Variants in ZAN observed in about 807,000 individuals in gnomAD.
ZAN encodes the protein zonadhesin.
Under a neutral mutation model 286.2 loss-of-function variants are expected in ZAN, and 260 were observed. That is an observed-to-expected ratio of 0.91 (90% CI 0.82 to 1.01). ZAN has a LOEUF of 1.01. Among genes scored for constraint, ZAN ranks in the 50% least tolerant of loss-of-function variants. ZAN has a pLI of 0.00. For synonymous variants in ZAN, 1,368 were observed against 1,417.5 expected, an observed-to-expected ratio of 0.97 and a Z score of 0.79; for missense variants, 3,410 against 3,639.2, an observed-to-expected ratio of 0.94 and a Z score of 1.62.
Position 100,753,134 on chromosome 7 carries a change from C to T in ZAN, c.3029C>T (p.Thr1010Ile). 6.2e-7 allele frequency: 1 copy of T among 1,613,944 alleles called. No homozygotes were observed. Among genetic ancestry groups the T allele is most frequent in the Non-Finnish European group, 8.5e-7 (1 of 1,179,890 alleles). The change falls in exon 14 of 48, where the codon ACT (threonine) becomes ATT (isoleucine). Residue 1010 changes from threonine (T) to isoleucine (I), a missense_variant. Transcript: ENST00000613979. ...LRPPHPSPTA[T>I]GLAALVMSPH... ...CCACCCCATCCCAGCCCCACAGCCA[C>T]TGGGCTGGCAGCCTTGGTGATGTCT...
intron 28 of ZAN, among the ~76,000 whole-genome samples, 197 bp downstream of exon 28, chr7:100,770,171 G>T (rs1257501859): frequency 6.6e-6 from 1 of 151,920 alleles, no homozygotes; most frequent in African/African-American, 2.4e-5. Context: ...GTCTCAGGCA[G>T]TAGATAAATC....
rs199863487 is a variant in ZAN at position 100,750,654 on chromosome 7, G to A, written c.1279G>A (p.Glu427Lys). 8.2e-5 allele frequency: 133 copies of A among 1,613,244 alleles called. No individual in the cohort carries two copies. The Admixed American group carries it at 2.1e-3, about 26-fold the overall frequency. Residue 427 changes from glutamate (E) to lysine (K), a missense_variant, in exon 12 of 48, where the codon GAG becomes AAG. This residue lies in a region of ZAN where 872 missense variants were observed against 938.9 expected (regional missense o/e 0.93). Coordinates refer to ENST00000613979, the MANE Select transcript of ZAN (RefSeq NM_003386.3). The stretch of plus-strand genomic sequence containing the variant: ...TCACTATATCTACCTTGAGGCTGAC[G>A]AGTTCTCCCAGGCAGGCCAGTCAGT... ...GGHYIYLEAD[E>K]FSQAGQSVRL...
chr7:100,777,918 C>T (rs900545120), intron 34 of ZAN, among the ~76,000 whole-genome samples: 7 of 151,996 alleles, frequency 4.6e-5, no homozygotes, highest in Admixed American at 3.3e-4. Flanking sequence ...GACTTCTGGG[C>T]ATTCTGGGGC....
At chr7:100,778,325 C>T (rs987950174) in intron 34 of ZAN, among the ~76,000 whole-genome samples, 12 of 151,528 alleles carry the variant, frequency 7.9e-5, no homozygotes, top group East Asian at 3.9e-4. Context: ...TAAAAACAGC[C>T]GGGTGCAGTG....
Position 100,775,696 on chromosome 7 carries a change from G to C in ZAN, c.6055G>C (p.Ala2019Pro). Residue 2019 changes from alanine (A) to proline (P), a missense_variant, in exon 33 of 48, where the codon GCC (alanine) becomes CCC (proline). Physicochemically the swap from Ala to Pro is conservative, Grantham distance 27 (BLOSUM62 -1). Coordinates refer to ENST00000613979, the MANE Select transcript of ZAN (RefSeq NM_003386.3). ...LINSKQVTLP[A>P]ISQIPGVSVK... ...CAACAGCAAACAGGTCACCCTCCCC[G>C]CCATCTCCCAGATCCCTGGGGTCAG... 6.2e-7 allele frequency: 1 copy of C among 1,613,878 alleles called. No individual in the cohort carries two copies. Among genetic ancestry groups the C allele is most frequent in the Non-Finnish European group, 8.5e-7 (1 of 1,179,864 alleles).
At chr7:100,747,974 A>G (rs1424316186) in intron 9 of ZAN, among the ~76,000 whole-genome samples, 163 bp from the exon 10 acceptor site, 1 of 149,546 alleles carries the variant, frequency 6.7e-6, no homozygotes, top group Admixed American at 6.7e-5. Context: ...CCTGGGCAAT[A>G]GAGCAAGACT....
chr7:100,790,741 G>A (rs568105641), intron 39 of ZAN, among the ~76,000 whole-genome samples: 1 of 151,536 alleles, frequency 6.6e-6, no homozygotes, highest in African/African-American at 2.4e-5. Flanking sequence ...AAATTAGCCA[G>A]GCATGGTGGT....
At chr7:100,744,877 TTTG>T (rs1554398355) in intron 7 of ZAN, among the ~76,000 whole-genome samples, 6 of 151,076 alleles carry the variant, frequency 4.0e-5, no homozygotes, top group Non-Finnish European at 8.8e-5. Context: ...TGGTTTTTTT[TTTG>T]TTGTTGTTGT....
intron 35 of ZAN, 21 bp downstream of exon 35, chr7:100,779,771 C>G: frequency 6.5e-7 from 1 of 1,536,062 alleles, no homozygotes; most frequent in Non-Finnish European, 8.8e-7. Context: ...CCTGCTGTCA[C>G]CCCAAACCCC....
At chr7:100,745,318 C>T (rs1171695093) in intron 7 of ZAN, among the ~76,000 whole-genome samples, 2 of 151,758 alleles carry the variant, frequency 1.3e-5, no homozygotes, top group African/African-American at 2.4e-5. Flanking sequence ...CGCTCAGGAT[C>T]CCACCTTCGG....
intron 35 of ZAN, among the ~76,000 whole-genome samples, chr7:100,782,495 A>AT (rs1462727861): frequency 1.3e-5 from 2 of 151,604 alleles, no homozygotes; most frequent in Non-Finnish European, 2.9e-5. Context: ...TGCCTGGATA[A>AT]TTTTTTTGTA....
chr7:100,738,701 C>G lies in ZAN; in HGVS notation c.766+88C>G, dbSNP rs1807480293. 9.1e-6 allele frequency: 12 copies of G among 1,315,534 alleles called. 2 individuals carry two copies. Among genetic ancestry groups the G allele is most frequent in the Middle Eastern group, 4.9e-4 (2 of 4,092 alleles). The allele number at this position is 1,315,534 out of a possible 1,614,324, so 81.5% of individuals were successfully genotyped here. ...CCCTGGGACGGTCTGTCATGAACACCTACAGCTTCAAGCCTCTTACCAGCT... is the reference window on the plus strand; with the variant it reads ...CCCTGGGACGGTCTGTCATGAACACGTACAGCTTCAAGCCTCTTACCAGCT... On this transcript the variant is annotated intron_variant, in intron 7 of 47. Coordinates refer to ENST00000613979, the MANE Select transcript of ZAN (RefSeq NM_003386.3).
chr7:100,751,793 C>T lies in ZAN; in HGVS notation c.1688C>T (p.Pro563Leu). 4 of 1,613,204 alleles carry T rather than the reference C, an allele frequency of 2.5e-6. No individual in the cohort carries two copies. Among genetic ancestry groups the T allele is most frequent in the Non-Finnish European group, 3.4e-6 (4 of 1,179,714 alleles). Residue 563 changes from proline (P) to leucine (L), a missense_variant, in exon 14 of 48, where the codon CCT (proline) becomes CTT (leucine). Transcript: ENST00000613979. ...PSETTGLTEN[P>L]TISTKKPTVS... is the part of the protein sequence containing the mutation. Reference sequence around the variant, plus strand: ...GAAACCACTGGCCTCACAGAAAACCCTACAATCTCCACCAAGAAACCTACA... The same window carrying T: ...GAAACCACTGGCCTCACAGAAAACCTTACAATCTCCACCAAGAAACCTACA...
intron 35 of ZAN, 108 bp downstream of exon 35, chr7:100,779,858 C>A: frequency 8.3e-7 from 1 of 1,199,052 alleles, no homozygotes; most frequent in Non-Finnish European, 1.1e-6. Context: ...ACTAACTCAG[C>A]CCTCATTGTT....
intron 42 of ZAN, among the ~76,000 whole-genome samples, chr7:100,792,982 C>CAAAAAAAAAAAAAAAAAAAAAAAAA (rs1232116032): frequency 7.8e-5 from 4 of 50,980 alleles, no homozygotes; most frequent in Admixed American, 3.0e-4. Flanking sequence ...CATCCTATCT[C>CAAAAAAAAAAAAAAAAAAAAAAAAA]AAAAAAAAAA....
intron 45 of ZAN, among the ~76,000 whole-genome samples, chr7:100,796,932 T>A (rs1285884154): frequency 4.0e-5 from 6 of 150,944 alleles, no homozygotes; most frequent in African/African-American, 1.5e-4. Context: ...GAGCCAGGAG[T>A]TCAAGACCAG....
chr7:100,753,348 C>A, intron 14 of ZAN, 119 bp downstream of exon 14: 2 of 1,170,968 alleles, frequency 1.7e-6, no homozygotes, highest in Non-Finnish European at 2.3e-6. Flanking sequence ...GCTTCTAGTA[C>A]TCTCAGAGGA....
At chr7:100,758,795 G>A in intron 17 of ZAN, 145 bp downstream of exon 17, 2 of 1,355,608 alleles carry the variant, frequency 1.5e-6, no homozygotes, top group Non-Finnish European at 2.0e-6. Flanking sequence ...TAAGGTGAGG[G>A]TTGAAGGCCA....
chr7:100,785,306 C>T (rs1318253636), intron 36 of ZAN, among the ~76,000 whole-genome samples: 1 of 147,168 alleles, frequency 6.8e-6, no homozygotes, highest in Admixed American at 7.0e-5. Flanking sequence ...TCTCTGCGCA[C>T]TGCAATCTCT....
Sources: gnomAD v4.1 joint callset for allele counts (sites outside exome capture counted in the v4.1 genomes callset) on GRCh38, gnomAD v4.1.1 for gene constraint, gnomAD v4.1.1 regional missense constraint, MANE v1.5 for transcripts, NCBI Gene and HGNC (gene_info 2026-07-23, HGNC 2026-07-21) for gene names.